The following DOCK2 variants were observed in gnomAD, a reference collection of about 807,000 sequenced individuals.
The protein encoded by DOCK2 is dedicator of cytokinesis protein 2.
DOCK2 carries 87 observed loss-of-function variants against 248.9 expected under a neutral mutation model. The ratio of observed to expected loss-of-function variants is 0.35; its 90% confidence interval spans 0.29 to 0.42. The LOEUF (loss-of-function observed/expected upper bound fraction) is 0.42, where lower values mean the gene tolerates loss of function less well. Among genes scored for constraint, DOCK2 ranks in the 10% least tolerant of loss-of-function variants. The pLI is 1.00. For synonymous variants in DOCK2, 805 were observed against 821.6 expected (o/e 0.98, Z 0.35); for missense variants, 1,747 against 2,300.2 (o/e 0.76, Z 4.92).
rs76125606 is a variant in DOCK2, at chr5:169,855,158, C to T, written c.2799+14306C>T. ...GAAAATGGGGGTAATCATAAACTAC[C>T]TTGTGGTAATTTTTTTGAAGAATAA... On this transcript the variant is annotated intron_variant, in intron 27 of 51. Transcript: ENST00000520908. 5.0e-4 allele frequency among the ~76,000 whole-genome samples: 76 copies of T among 152,264 alleles called. 3 individuals carry two copies. The East Asian group carries it at 0.014, about 28-fold the overall frequency.
At chr5:169,700,823 A>G (rs892873844) in intron 13 of DOCK2, among the ~76,000 whole-genome samples, 3 of 151,836 alleles carry the variant, frequency 2.0e-5, no homozygotes, top group Non-Finnish European at 2.9e-5. Flanking sequence ...CCTAAACTAA[A>G]CTGTTATCTG....
rs1554098290 is a variant in DOCK2, at chr5:169,765,070, G to GCGCA, written c.2554+3446_2554+3447insGCAC. Among the ~76,000 whole-genome samples, 75 of 146,602 alleles carry GCGCA rather than the reference G, an allele frequency of 5.1e-4. 1 individual carries two copies. Among genetic ancestry groups the GCGCA allele is most frequent in the Middle Eastern group, 3.5e-3 (1 of 284 alleles). On this transcript the variant is annotated intron_variant, in intron 25 of 51. Coordinates refer to ENST00000520908, the MANE Select transcript of DOCK2 (RefSeq NM_004946.3). ...ATTTACCCCTCAGGGCTCTTTTAGC[G>GCGCA]CACACACACACACACACACACACAC...
At chr5:169,847,957 C>T (rs1286171998) in intron 27 of DOCK2, among the ~76,000 whole-genome samples, 1 of 152,158 alleles carries the variant, frequency 6.6e-6, no homozygotes, top group Admixed American at 6.5e-5. Flanking sequence ...TTCTTGCTTC[C>T]TTTAAAAAAG....
intron 44 of DOCK2, 64 bp from the exon 45 acceptor site, chr5:170,067,443 CAAT>C: frequency 6.6e-7 from 1 of 1,511,624 alleles, no homozygotes; most frequent in Non-Finnish European, 9.0e-7. Context: ...AAATCAATAC[CAAT>C]AATATCTGTT....
At chr5:169,908,006 C>G (rs1455906885) in intron 27 of DOCK2, among the ~76,000 whole-genome samples, 1 of 152,194 alleles carries the variant, frequency 6.6e-6, no homozygotes, top group Admixed American at 6.5e-5. Context: ...GTCTTTATCT[C>G]CTCTCTTGCT....
At chr5:169,732,134 A>G (rs262868) in intron 22 of DOCK2, among the ~76,000 whole-genome samples, 48,751 of 151,958 alleles carry the variant, frequency 0.32, 11,621 homozygotes, top group African/African-American at 0.66. Flanking sequence ...AAAACAAAAA[A>G]CAATAACCAT....
At chr5:169,735,397 C>T (rs768138580) in intron 22 of DOCK2, among the ~76,000 whole-genome samples, 1 of 152,180 alleles carries the variant, frequency 6.6e-6, no homozygotes, top group African/African-American at 2.4e-5. Context: ...TCAACCTGAA[C>T]TGCTCTTCCC....
At chr5:169,936,849 T>C (rs966046522) in intron 27 of DOCK2, among the ~76,000 whole-genome samples, 6 of 152,162 alleles carry the variant, frequency 3.9e-5, no homozygotes, top group African/African-American at 1.4e-4. Context: ...AACAATTTTG[T>C]CTCTTGTGAT....
At chr5:169,931,238 GA>G (rs1365249680) in intron 27 of DOCK2, among the ~76,000 whole-genome samples, 2 of 152,206 alleles carry the variant, frequency 1.3e-5, no homozygotes, top group African/African-American at 4.8e-5. Flanking sequence ...GCATCCCAAA[GA>G]CGACCAGGAG....
intron 27 of DOCK2, among the ~76,000 whole-genome samples, chr5:169,846,001 T>C (rs1770278935): frequency 6.6e-6 from 1 of 152,206 alleles, no homozygotes; most frequent in Non-Finnish European, 1.5e-5. Flanking sequence ...GTCCCTGTCT[T>C]AGCACTGAAG....
At chr5:169,691,275 C>T (rs1444046877) in intron 9 of DOCK2, among the ~76,000 whole-genome samples, 1 of 152,096 alleles carries the variant, frequency 6.6e-6, no homozygotes, top group Non-Finnish European at 1.5e-5. Flanking sequence ...AGAAAGCACC[C>T]CCATGATCCA....
chr5:169,816,000 T>C (rs1425388172), intron 26 of DOCK2, among the ~76,000 whole-genome samples: 1 of 152,218 alleles, frequency 6.6e-6, no homozygotes, highest in Non-Finnish European at 1.5e-5. Context: ...AGCCACTTGG[T>C]TTCCAAAAAG....
intron 25 of DOCK2, among the ~76,000 whole-genome samples, chr5:169,794,862 G>A (rs1766552309): frequency 1.3e-5 from 2 of 152,362 alleles, no homozygotes; most frequent in African/African-American, 2.4e-5. Flanking sequence ...GGCGAAGCTT[G>A]CAGTGAGCAG....
rs1036544341 is a variant in DOCK2 at position 170,045,063 on chromosome 5, A to C, written c.3877-753A>C. The stretch of plus-strand genomic sequence containing the variant: ...TCTTTGTTTAGAATTTTTTCTCTTA[A>C]GATGGAGAAGACCTACTATTAAAAA... On this transcript the variant is annotated intron_variant, in intron 38 of 51. Coordinates refer to ENST00000520908, the MANE Select transcript of DOCK2 (RefSeq NM_004946.3). Among the ~76,000 whole-genome samples the C allele has an allele frequency of 3.9e-5, 6 of 152,230 alleles. 1 individual carries two copies. Among genetic ancestry groups the C allele is most frequent in the Admixed American group, 3.9e-4 (6 of 15,288 alleles).
At chr5:169,932,304 C>T (rs924514260) in intron 27 of DOCK2, among the ~76,000 whole-genome samples, 16 of 152,098 alleles carry the variant, frequency 1.1e-4, no homozygotes, top group Non-Finnish European at 2.4e-4. Context: ...TATGAAGGGA[C>T]TGCATGGAGT....
chr5:169,672,011 T>G (rs1251298508), intron 5 of DOCK2, among the ~76,000 whole-genome samples: 1 of 152,148 alleles, frequency 6.6e-6, no homozygotes, highest in Non-Finnish European at 1.5e-5. Context: ...TTTTTATTTA[T>G]TTTTTATTTT....
rs1208198748 is a variant in DOCK2, at chr5:169,702,326, A to G, written c.1282A>G (p.Ile428Val). The G allele has an allele frequency of 1.2e-6, 2 of 1,613,818 alleles. No individual in the cohort carries two copies. Among genetic ancestry groups the G allele is most frequent in the South Asian group, 1.1e-5 (1 of 91,082 alleles). Reference protein sequence around the residue: ...MPGDVRNDIYITLLQGDFDKY... With the variant: ...MPGDVRNDIYVTLLQGDFDKY... ...AGGGGATGTCAGGAACGACATCTACATTACTCTCTTACAAGGTGACTTTGA... is the reference window on the plus strand; with the variant it reads ...AGGGGATGTCAGGAACGACATCTACGTTACTCTCTTACAAGGTGACTTTGA... The change falls in exon 14 of 52, where the codon ATT becomes GTT. Residue 428 changes from isoleucine to valine, a missense_variant. Physicochemically the swap from Ile to Val is conservative, Grantham distance 29 (BLOSUM62 3). This residue lies in a region of DOCK2 where 858 missense variants were observed against 1,183.5 expected (regional missense o/e 0.72). Transcript: ENST00000520908.
intron 22 of DOCK2, among the ~76,000 whole-genome samples, chr5:169,727,177 C>T (rs1762523491): frequency 6.6e-6 from 1 of 152,196 alleles, no homozygotes; most frequent in Non-Finnish European, 1.5e-5. Context: ...CTTCCAATGA[C>T]TCCTGCTTCT....
rs141411968 is a variant in DOCK2, at chr5:169,897,751, C to T, written c.2799+56899C>T. Among the ~76,000 whole-genome samples, 797 of 152,238 alleles carry T rather than the reference C, an allele frequency of 5.2e-3. 8 individuals carry two copies. Among genetic ancestry groups the T allele is most frequent in the African/African-American group, 0.016 (654 of 41,548 alleles). Reference sequence around the variant, plus strand: ...TGCAAGCATTTGTCTAGAAGGCCATCGTCAGGGCCACATGGGGAAGCTCTC... The same window carrying T: ...TGCAAGCATTTGTCTAGAAGGCCATTGTCAGGGCCACATGGGGAAGCTCTC... On this transcript the variant is annotated intron_variant, in intron 27 of 51. Coordinates refer to ENST00000520908, the MANE Select transcript of DOCK2 (RefSeq NM_004946.3).
Sources: gnomAD v4.1 joint callset for allele counts (sites outside exome capture counted in the v4.1 genomes callset) on GRCh38, gnomAD v4.1.1 for gene constraint, gnomAD v4.1.1 regional missense constraint, MANE v1.5 for transcripts, NCBI Gene and HGNC (gene_info 2026-07-23, HGNC 2026-07-21) for gene names.